The following CLASP2 variants were observed in gnomAD, a reference collection of about 807,000 sequenced individuals.
The protein encoded by CLASP2 is CLIP-associating protein 2.
A neutral mutation model predicts 194.4 loss-of-function variants in CLASP2; 47 were observed. The observed-to-expected ratio is 0.24, with a 90% confidence interval of 0.19 to 0.31. The LOEUF (loss-of-function observed/expected upper bound fraction) is 0.31, where lower values mean the gene tolerates loss of function less well. CLASP2 is among the 10% of genes least tolerant of loss of function. The pLI is 1.00. For missense variants in CLASP2, 1,445 were observed against 1,823.6 expected (o/e 0.79, Z 3.78); for synonymous variants, 619 against 633.5 (o/e 0.98, Z 0.34).
intron 23 of CLASP2, among the ~76,000 whole-genome samples, chr3:33,579,468 A>G (rs1046399056): frequency 4.6e-5 from 7 of 152,220 alleles, no homozygotes; most frequent in African/African-American, 1.7e-4. Context: ...GTTTTCTAGG[A>G]ACGTGCAATA....
At chr3:33,700,223 T>C (rs981979876) in intron 1 of CLASP2, among the ~76,000 whole-genome samples, 18 of 151,968 alleles carry the variant, frequency 1.2e-4, no homozygotes, top group Non-Finnish European at 2.5e-4. Flanking sequence ...GGTCAGGAGT[T>C]CGAGACCAGC....
chr3:33,569,096 A>G (rs542814669), intron 26 of CLASP2, among the ~76,000 whole-genome samples: 1 of 152,322 alleles, frequency 6.6e-6, no homozygotes, highest in South Asian at 2.1e-4. Context: ...GTAGATAAGA[A>G]TTTTATGTTG....
At position 33,507,955 on chromosome 3, in the gene CLASP2, A is replaced by AAT. The variant is rs144768518; in HGVS notation, c.4317+2601_4317+2602dup. 6.1e-3 allele frequency among the ~76,000 whole-genome samples: 897 copies of AAT among 147,206 alleles called. 1 individual carries two copies. Among genetic ancestry groups the AAT allele is most frequent in the Middle Eastern group, 0.014 (4 of 278 alleles). ...TATATCCATTGTTTCAATGAGGCCA[A>AAT]ATATATATATATATATGTGTGTGTG... On this transcript the variant is annotated intron_variant, in intron 37 of 38. Transcript: ENST00000682230.
At chr3:33,590,719 G>A (rs2068573005) in intron 21 of CLASP2, among the ~76,000 whole-genome samples, 1 of 152,210 alleles carries the variant, frequency 6.6e-6, no homozygotes, top group South Asian at 2.1e-4. Context: ...AAAAGAGAAG[G>A]ATCTGGTGGG....
chr3:33,713,572 C>T (rs966178362), intron 1 of CLASP2, among the ~76,000 whole-genome samples: 1 of 152,176 alleles, frequency 6.6e-6, no homozygotes, highest in South Asian at 2.1e-4. Context: ...TGGGAAGAAT[C>T]CTCCTCAGAA....
At chr3:33,601,144 T>C (rs1200815357) in intron 18 of CLASP2, among the ~76,000 whole-genome samples, 4 of 151,950 alleles carry the variant, frequency 2.6e-5, no homozygotes, top group African/African-American at 9.7e-5. Context: ...GTATTTTTAG[T>C]AGAGACGGTG....
At chr3:33,680,993 C>T (rs575618624) in intron 6 of CLASP2, among the ~76,000 whole-genome samples, 3 of 147,604 alleles carry the variant, frequency 2.0e-5, no homozygotes, top group Non-Finnish European at 4.5e-5. Context: ...GGCGTGGTGG[C>T]ATGTGCCTGT....
rs573092042 is a variant in CLASP2, at chr3:33,666,554, A to G, written c.645-3039T>C. Among the ~76,000 whole-genome samples the G allele has an allele frequency of 3.3e-5, 5 of 152,340 alleles. No individual in the cohort carries two copies. In the East Asian group the frequency reaches 5.8e-4, roughly 18 times the overall value. On this transcript the variant is annotated intron_variant, in intron 6 of 38. Transcript: ENST00000682230. ...TATCAGTCATCCCTGTTGTGACCAA[A>G]TAATATTCCATCGTATGGATTTACC...
At chr3:33,521,911 G>A (rs917752074) in intron 34 of CLASP2, among the ~76,000 whole-genome samples, 1 of 152,168 alleles carries the variant, frequency 6.6e-6, no homozygotes, top group Non-Finnish European at 1.5e-5. Flanking sequence ...CCCTTGACAG[G>A]CAGCTGTGCA....
chr3:33,545,958 A>G (rs1198026987), intron 30 of CLASP2, among the ~76,000 whole-genome samples: 1 of 152,126 alleles, frequency 6.6e-6, no homozygotes, highest in Non-Finnish European at 1.5e-5. Context: ...AAAACAAAGA[A>G]GTGTAAGTTG....
chr3:33,656,358 A>C (rs937531989), intron 7 of CLASP2, among the ~76,000 whole-genome samples: 1 of 152,222 alleles, frequency 6.6e-6, no homozygotes, highest in Non-Finnish European at 1.5e-5. Context: ...CAATGCTGAA[A>C]GGCATCTACA....
intron 8 of CLASP2, among the ~76,000 whole-genome samples, chr3:33,644,008 T>C (rs2081840500): frequency 6.6e-6 from 1 of 152,096 alleles, no homozygotes. Context: ...GAGATTACTG[T>C]CTTTTTAGAA....
intron 8 of CLASP2, among the ~76,000 whole-genome samples, chr3:33,641,678 A>G (rs2081325077): frequency 6.6e-6 from 1 of 152,008 alleles, no homozygotes; most frequent in Non-Finnish European, 1.5e-5. Context: ...CTGGATATAT[A>G]TCTCTAGAAG....
At chr3:33,537,129 T>G (rs1172211090) in intron 33 of CLASP2, among the ~76,000 whole-genome samples, 1 of 152,142 alleles carries the variant, frequency 6.6e-6, no homozygotes, top group Non-Finnish European at 1.5e-5. Flanking sequence ...GAACCGGGAT[T>G]TGAACTCATT....
intron 29 of CLASP2, among the ~76,000 whole-genome samples, chr3:33,556,439 C>CTTTTT: frequency 7.0e-6 from 1 of 143,402 alleles, no homozygotes; most frequent in African/African-American, 2.6e-5. Context: ...TTCTTTCTTT[C>CTTTTT]TTTTTTTTTT....
chr3:33,593,383 T>G (rs2069312864), intron 20 of CLASP2, among the ~76,000 whole-genome samples: 1 of 152,230 alleles, frequency 6.6e-6, no homozygotes, highest in African/African-American at 2.4e-5. Context: ...GGCTCAGAAT[T>G]ATTTTTAGAT....
chr3:33,629,535 G>C (rs2078674172), intron 9 of CLASP2, among the ~76,000 whole-genome samples: 1 of 152,060 alleles, frequency 6.6e-6, no homozygotes, highest in African/African-American at 2.4e-5. Context: ...AGACAGGCTG[G>C]CTGATGGATA....
intron 30 of CLASP2, among the ~76,000 whole-genome samples, chr3:33,546,791 T>G (rs901974341): frequency 6.6e-6 from 1 of 152,200 alleles, no homozygotes; most frequent in African/African-American, 2.4e-5. Context: ...TAAATCATAT[T>G]ACTCTGTGAG....
At chr3:33,518,577 G>A (rs1393441711) in intron 34 of CLASP2, among the ~76,000 whole-genome samples, 1 of 152,192 alleles carries the variant, frequency 6.6e-6, no homozygotes, top group Non-Finnish European at 1.5e-5. Context: ...CAGGATGAAT[G>A]TGTCTCTATA....
Sources: gnomAD v4.1 joint callset for allele counts (sites outside exome capture counted in the v4.1 genomes callset) on GRCh38, gnomAD v4.1.1 for gene constraint, MANE v1.5 for transcripts, NCBI Gene and HGNC (gene_info 2026-07-23, HGNC 2026-07-21) for gene names.